Variants in UNC13C observed in about 807,000 individuals in gnomAD.
UNC13C encodes the protein protein unc-13 homolog C.
UNC13C carries 174 observed loss-of-function variants against 245.4 expected under a neutral mutation model. The observed-to-expected ratio is 0.71, with a 90% confidence interval of 0.63 to 0.80. The LOEUF (loss-of-function observed/expected upper bound fraction) is 0.80, where lower values mean the gene tolerates loss of function less well. Among genes scored for constraint, UNC13C ranks in the 30% least tolerant of loss-of-function variants. The probability of loss-of-function intolerance (pLI) is 0.00; values close to 1 mark genes in which losing one functional copy is unlikely to be tolerated. For missense variants in UNC13C, 2,829 were observed against 2,602.9 expected, an observed-to-expected ratio of 1.09 and a Z score of -1.89; for synonymous variants, 992 against 895.1, an observed-to-expected ratio of 1.11 and a Z score of -1.93.
chr15:54,325,707 A>AT (rs2038283083), intron 14 of UNC13C, among the ~76,000 whole-genome samples: 1 of 152,026 alleles, frequency 6.6e-6, no homozygotes, highest in South Asian at 2.1e-4. Context: ...GATGTCTAAA[A>AT]TTTTTTATAA....
At chr15:54,453,126 G>T (rs1244310674) in intron 19 of UNC13C, among the ~76,000 whole-genome samples, 1 of 152,150 alleles carries the variant, frequency 6.6e-6, no homozygotes, top group Non-Finnish European at 1.5e-5. Context: ...CAATGCCATT[G>T]CACAGTCTCC....
intron 30 of UNC13C, among the ~76,000 whole-genome samples, chr15:54,589,424 G>A (rs142721103): frequency 0.014 from 2,040 of 145,496 alleles, 47 homozygotes; most frequent in African/African-American, 0.049. Context: ...TCAGCCTCCC[G>A]AATAGCTGGG....
chr15:54,560,859 T>A (rs1897272598), intron 29 of UNC13C, among the ~76,000 whole-genome samples: 1 of 151,812 alleles, frequency 6.6e-6, no homozygotes, highest in Admixed American at 6.6e-5. Context: ...ATTACATGAG[T>A]CATCACATAC....
At chr15:54,083,796 G>T (rs893748219) in intron 2 of UNC13C, among the ~76,000 whole-genome samples, 1 of 152,154 alleles carries the variant, frequency 6.6e-6, no homozygotes, top group Non-Finnish European at 1.5e-5. Context: ...GGATTATAAG[G>T]TATGTTTGCT....
intron 18 of UNC13C, among the ~76,000 whole-genome samples, chr15:54,409,003 G>T (rs1454922612): frequency 6.6e-6 from 1 of 152,084 alleles, no homozygotes; most frequent in Non-Finnish European, 1.5e-5. Flanking sequence ...AAGAGAAGGG[G>T]ATAGGGACAA....
intron 8 of UNC13C, among the ~76,000 whole-genome samples, chr15:54,260,816 A>T (rs2036405063): frequency 6.7e-6 from 1 of 150,214 alleles, no homozygotes; most frequent in East Asian, 1.9e-4. Flanking sequence ...AAATTCTATA[A>T]TTATTTGTAG....
At chr15:54,235,665 A>G (rs1390756173) in intron 5 of UNC13C, among the ~76,000 whole-genome samples, 1 of 152,138 alleles carries the variant, frequency 6.6e-6, no homozygotes, top group Non-Finnish European at 1.5e-5. Flanking sequence ...ATCCTGGCTA[A>G]CATGGTGAAA....
At chr15:53,841,337 C>A in the UNC13C span, among the ~76,000 whole-genome samples, 2 of 152,074 alleles carry the variant, frequency 1.3e-5, no homozygotes, top group African/African-American at 4.8e-5. Flanking sequence ...AATAAACTCC[C>A]ATTCCTTCCA....
intron 2 of UNC13C, among the ~76,000 whole-genome samples, chr15:54,082,059 A>T (rs1296437433): frequency 1.3e-5 from 2 of 152,196 alleles, no homozygotes; most frequent in Non-Finnish European, 2.9e-5. Flanking sequence ...GTTTGTCAGG[A>T]TATAAAATGC....
chr15:54,321,473 T>A, intron 13 of UNC13C: 1 of 485,644 alleles, frequency 2.1e-6, no homozygotes. Context: ...CATGGCTACA[T>A]CCACCTCCTC....
intron 4 of UNC13C, among the ~76,000 whole-genome samples, chr15:54,224,873 T>C (rs1194365197): frequency 6.6e-6 from 1 of 152,106 alleles, no homozygotes; most frequent in African/African-American, 2.4e-5. Context: ...GTTTAATTTT[T>C]GTAGGTTTTA....
In UNC13C at chr15:54,324,717, A is replaced by C. The variant is rs74785456; in HGVS notation, c.4425+2622A>C. Among the ~76,000 whole-genome samples the C allele has an allele frequency of 5.8e-3, 885 of 152,170 alleles. 5 individuals carry two copies. The highest frequency in any genetic ancestry group is 0.02 in the African/African-American group (843 of 41,540). ...TTGGGAAAAGGGTAGTATATCATAT[A>C]ATTAACTGTCATAGAGAGTTCAAGT... On this transcript the variant is annotated intron_variant, in intron 14 of 32. Coordinates refer to ENST00000260323, the MANE Select transcript of UNC13C (RefSeq NM_001080534.3).
At chr15:54,308,082 C>G (rs2037773095) in intron 13 of UNC13C, among the ~76,000 whole-genome samples, 2 of 151,852 alleles carry the variant, frequency 1.3e-5, no homozygotes, top group African/African-American at 4.8e-5. Flanking sequence ...TTTCCAATCA[C>G]CTTGTTCTTC....
intron 2 of UNC13C, among the ~76,000 whole-genome samples, chr15:54,121,804 C>A (rs1410850388): frequency 6.6e-6 from 1 of 151,816 alleles, no homozygotes; most frequent in African/African-American, 2.4e-5. Flanking sequence ...TTCATGTATT[C>A]TTTTATCTCT....
intron 4 of UNC13C, among the ~76,000 whole-genome samples, chr15:54,175,614 G>A (rs1434687971): frequency 4.0e-5 from 6 of 148,370 alleles, no homozygotes; most frequent in East Asian, 2.0e-4. Flanking sequence ...CCGGGTTCAC[G>A]CCATTCTCCT....
chr15:54,045,495 A>G (rs139695380), intron 2 of UNC13C, among the ~76,000 whole-genome samples: 1,687 of 152,200 alleles, frequency 0.011, 34 homozygotes, highest in African/African-American at 0.039. Flanking sequence ...TTTTCAGAGC[A>G]CCTGTTCTTA....
chr15:53,890,216 A>G, the UNC13C span, among the ~76,000 whole-genome samples: 2 of 149,888 alleles, frequency 1.3e-5, no homozygotes, highest in African/African-American at 4.9e-5. Flanking sequence ...ATCTTGGCTC[A>G]CTGCAAGCTC....
intron 30 of UNC13C, among the ~76,000 whole-genome samples, chr15:54,577,476 TCA>T (rs1898004892): frequency 6.6e-6 from 1 of 152,150 alleles, no homozygotes; most frequent in African/African-American, 2.4e-5. Flanking sequence ...GCTGTGTGGG[TCA>T]CAGTCTTGAG....
At chr15:54,162,467 T>A (rs1299506440) in intron 4 of UNC13C, among the ~76,000 whole-genome samples, 1 of 152,200 alleles carries the variant, frequency 6.6e-6, no homozygotes, top group Non-Finnish European at 1.5e-5. Flanking sequence ...ACTAAAAGAT[T>A]TCCTGGTAAG....
Sources: allele counts gnomAD v4.1 joint callset (sites outside exome capture counted in the v4.1 genomes callset), GRCh38; gene constraint gnomAD v4.1.1; transcripts MANE v1.5; gene names NCBI Gene and HGNC (gene_info 2026-07-23, HGNC 2026-07-21).